Variants in MAST1 observed in about 807,000 individuals in gnomAD.
MAST1 encodes the protein microtubule associated serine/threonine kinase 1.
MAST1 carries 40 observed loss-of-function variants against 124.6 expected under a neutral mutation model. That is an observed-to-expected ratio of 0.32 (90% CI 0.25 to 0.42). MAST1 has a LOEUF of 0.42. Among genes scored for constraint, MAST1 ranks in the 10% least tolerant of loss-of-function variants. The pLI is 1.00. For synonymous variants in MAST1, 938 were observed against 939.4 expected (o/e 1.00, Z 0.03); for missense variants, 1,558 against 2,181.9 (o/e 0.71, Z 5.70).
chr19:12,872,887 A>G (rs1187989807), intron 24 of MAST1: 1 of 167,736 alleles, frequency 6.0e-6, no homozygotes, highest in Non-Finnish European at 1.3e-5. Context: ...CCTGGGCGAC[A>G]AGAGCGAAAC....
chr19:12,860,448 T>TTC (rs1394841350), intron 12 of MAST1, among the ~76,000 whole-genome samples: 1 of 141,932 alleles, frequency 7.0e-6, no homozygotes, highest in African/African-American at 2.6e-5. Context: ...CTTTCTTTCT[T>TTC]TTTTTTTTTT....
In MAST1 at chr19:12,838,515, GCCGCCGCCGCCT is replaced by G. The variant is rs1969786427; in HGVS notation, c.-50_-39del. On this transcript the variant is annotated 5_prime_UTR_variant, in exon 1 of 26. Transcript: ENST00000251472. The surrounding 1 kb of genome is among the most constrained non-coding windows in gnomAD (Gnocchi z 4.3). Reference sequence around the variant, plus strand: ...CCGCGCGCTTGCTCCCCGCGCCGCCGCCGCCGCCGCCTCCGCCGCTGCTGCCGCACCTGCCAC... The same window carrying G: ...CCGCGCGCTTGCTCCCCGCGCCGCCGCCGCCGCTGCTGCCGCACCTGCCAC... 2.3e-6 allele frequency: 3 copies of G among 1,313,728 alleles called. No homozygotes were observed. Among genetic ancestry groups the G allele is most frequent in the Non-Finnish European group, 3.0e-6 (3 of 1,002,454 alleles). 81.4% of individuals were successfully genotyped at this position (1,313,728 alleles called of 1,614,324 possible).
rs932633048 is a variant in MAST1, at chr19:12,841,538, C to A, written c.248+472C>A. On this transcript the variant is annotated intron_variant, in intron 3 of 25. Coordinates refer to ENST00000251472, the MANE Select transcript of MAST1 (RefSeq NM_014975.3). This position sits in a 1 kb window ranked among gnomAD's most constrained non-coding sequence, Gnocchi z 4.3. The stretch of plus-strand genomic sequence containing the variant: ...GGGTCTCTTAGGGTTTCTGGGGTGT[C>A]CTTAAATGAATTTTCTATGGGCCTT... 3.9e-5 allele frequency among the ~76,000 whole-genome samples: 6 copies of A among 152,186 alleles called. No homozygotes were observed. The highest frequency in any genetic ancestry group is 8.8e-5 in the Non-Finnish European group (6 of 68,032).
intron 7 of MAST1, among the ~76,000 whole-genome samples, chr19:12,850,389 G>A (rs1221392579): frequency 1.3e-5 from 2 of 152,056 alleles, no homozygotes; most frequent in Non-Finnish European, 1.5e-5. Flanking sequence ...GACCCAATAG[G>A]TATTAGGGCT....
chr19:12,862,658 C>CTT (rs750956121), intron 12 of MAST1, among the ~76,000 whole-genome samples: 17 of 135,908 alleles, frequency 1.3e-4, no homozygotes, highest in South Asian at 2.3e-4. Context: ...TTTTCTTTTC[C>CTT]TTTTTTTTTT....
intron 10 of MAST1, among the ~76,000 whole-genome samples, chr19:12,856,403 A>G (rs1043025801): frequency 6.6e-6 from 1 of 151,268 alleles, no homozygotes; most frequent in Non-Finnish European, 1.5e-5. Flanking sequence ...CCTGGGTTCA[A>G]GTGGTTCTCC....
At chr19:12,846,064 T>C (rs776722322) in intron 4 of MAST1, among the ~76,000 whole-genome samples, 28 of 151,934 alleles carry the variant, frequency 1.8e-4, no homozygotes, top group Admixed American at 4.6e-4. Context: ...CAAAAAAGAA[T>C]TAGCCAAGCA....
At chr19:12,845,992 A>T (rs1337908208) in intron 4 of MAST1, among the ~76,000 whole-genome samples, 2 of 151,194 alleles carry the variant, frequency 1.3e-5, no homozygotes, top group Admixed American at 6.6e-5. Context: ...CCAAAGTGGG[A>T]GTATTGCTTG....
intron 10 of MAST1, among the ~76,000 whole-genome samples, chr19:12,853,119 TA>T (rs1305952492): frequency 1.3e-5 from 2 of 150,834 alleles, no homozygotes; most frequent in African/African-American, 2.4e-5. Context: ...TACAGGCATG[TA>T]ACACCACACC....
intron 12 of MAST1, among the ~76,000 whole-genome samples, chr19:12,864,356 C>T (rs577629132): frequency 2.9e-4 from 43 of 150,268 alleles, no homozygotes; most frequent in African/African-American, 4.2e-4. Flanking sequence ...ATCTTGCCAC[C>T]GCACTCTAGA....
At chr19:12,863,550 CTG>C (rs1451997381) in intron 12 of MAST1, among the ~76,000 whole-genome samples, 1 of 152,328 alleles carries the variant, frequency 6.6e-6, no homozygotes, top group East Asian at 1.9e-4. Flanking sequence ...TCTCTTGGCT[CTG>C]TACTCCCACA....
rs775522762 is a variant in MAST1, at chr19:12,847,819, C to A, written c.565-29C>A. On this transcript the variant is annotated intron_variant, in intron 6 of 25. Coordinates refer to ENST00000251472, the MANE Select transcript of MAST1 (RefSeq NM_014975.3). This position sits in a 1 kb window ranked among gnomAD's most constrained non-coding sequence, Gnocchi z 5.5. Reference sequence around the variant, plus strand: ...GGCGGCCGCAGCCTTCGGGCACAGCCCCGCGCCCCTCCTCCGTCCCTCCCG... The same window carrying A: ...GGCGGCCGCAGCCTTCGGGCACAGCACCGCGCCCCTCCTCCGTCCCTCCCG... 3 of 1,591,202 alleles carry A rather than the reference C, an allele frequency of 1.9e-6. No homozygotes were observed. The highest frequency in any genetic ancestry group is 2.6e-6 in the Non-Finnish European group (3 of 1,167,194).
intron 10 of MAST1, among the ~76,000 whole-genome samples, chr19:12,856,009 G>A (rs1035607109): frequency 6.0e-5 from 9 of 150,440 alleles, no homozygotes; most frequent in East Asian, 3.9e-4. Context: ...AATAGTGTGC[G>A]AAGTATTGCA....
chr19:12,860,446 CT>C (rs397956908), intron 12 of MAST1, among the ~76,000 whole-genome samples: 153 of 116,564 alleles, frequency 1.3e-3, no homozygotes, highest in Middle Eastern at 5.5e-3. Flanking sequence ...TTCTTTCTTT[CT>C]TTTTTTTTTT....
rs1970222890 is a variant in MAST1, at chr19:12,870,723, A to G, written c.3004-101A>G. The G allele has an allele frequency of 6.4e-6, 8 of 1,251,724 alleles. No homozygotes were observed. In the Admixed American group the frequency reaches 1.2e-4, roughly 18 times the overall value. 77.5% of individuals were successfully genotyped at this position (1,251,724 alleles called of 1,614,324 possible). A position where few individuals can be genotyped will look rare whatever the true frequency, so the allele number is the denominator to read the frequency against. On this transcript the variant is annotated intron_variant, in intron 22 of 25. Coordinates refer to ENST00000251472, the MANE Select transcript of MAST1 (RefSeq NM_014975.3). ...AACTATTTCACAAGGTGTTATGAGG[A>G]TTCTAATGCATGCAGAGCTAAGTGT...
rs1224574770 is a variant in MAST1 at position 12,874,919 on chromosome 19, A to T, written c.*49A>T. ...CTGTACAGCCTCCGTATACATATGT[A>T]CACATATAAATAAAGTGCGTCCGTG... On this transcript the variant is annotated 3_prime_UTR_variant, in exon 26 of 26. Coordinates refer to ENST00000251472, the MANE Select transcript of MAST1 (RefSeq NM_014975.3). This position sits in a 1 kb window ranked among gnomAD's most constrained non-coding sequence, Gnocchi z 6.6. The T allele has an allele frequency of 6.5e-7, 1 of 1,544,722 alleles. No homozygotes were observed. Among genetic ancestry groups the T allele is most frequent in the Non-Finnish European group, 8.7e-7 (1 of 1,148,910 alleles).
chr19:12,845,848 G>A (rs988195772), intron 4 of MAST1, among the ~76,000 whole-genome samples: 3 of 151,978 alleles, frequency 2.0e-5, no homozygotes, highest in East Asian at 1.9e-4. Flanking sequence ...TAGTAGAGAC[G>A]GGGTTTCACC....
At position 12,866,095 on chromosome 19, in the gene MAST1, C is replaced by T; in HGVS notation, c.2022C>T (p.Tyr674=). The change falls in exon 17 of 26, where the codon TAC becomes TAT. Residue 674 remains tyrosine (Y), a synonymous_variant. Coordinates refer to ENST00000251472, the MANE Select transcript of MAST1 (RefSeq NM_014975.3). The surrounding 1 kb of genome is among the most constrained non-coding windows in gnomAD (Gnocchi z 5.2). Reference sequence around the variant, plus strand: ...TAGAGTCGGAAGATGACACTAGCTACTTTGACAGTGAGCTGGGACACCAGG... The same window carrying T: ...TAGAGTCGGAAGATGACACTAGCTATTTTGACAGTGAGCTGGGACACCAGG... ...PHLESEDDTS[Y]FDTRSDRYHH... 1 of 1,613,978 alleles carries T rather than the reference C, an allele frequency of 6.2e-7. No individual in the cohort carries two copies. Among genetic ancestry groups the T allele is most frequent in the Non-Finnish European group, 8.5e-7 (1 of 1,180,022 alleles).
In MAST1 at chr19:12,847,189, C is replaced by T. The variant is rs1042552771; in HGVS notation, c.328-101C>T. The T allele has an allele frequency of 9.3e-6, 7 of 751,998 alleles. No individual in the cohort carries two copies. The highest frequency in any genetic ancestry group is 2.3e-5 in the Admixed American group (1 of 43,550). 46.6% of individuals were successfully genotyped at this position (751,998 alleles called of 1,614,324 possible). On this transcript the variant is annotated intron_variant, in intron 4 of 25. Transcript: ENST00000251472. This position sits in a 1 kb window ranked among gnomAD's most constrained non-coding sequence, Gnocchi z 5.5. ...TCGTAAATCAGGTCCTGATCCTGGCCTTGCCCAGTGACCCCATCGGCTTTG... is the reference window on the plus strand; with the variant it reads ...TCGTAAATCAGGTCCTGATCCTGGCTTTGCCCAGTGACCCCATCGGCTTTG...
Sources: allele counts gnomAD v4.1 joint callset (sites outside exome capture counted in the v4.1 genomes callset), GRCh38; gene constraint gnomAD v4.1.1; non-coding constraint Gnocchi (gnomAD v3.1); transcripts MANE v1.5; gene names NCBI Gene and HGNC (gene_info 2026-07-23, HGNC 2026-07-21).